The following KDM6B variants were observed in gnomAD, a reference collection of about 807,000 sequenced individuals.
KDM6B encodes the protein lysine demethylase 6B.
Under a neutral mutation model 150.4 loss-of-function variants are expected in KDM6B, and 22 were observed. The ratio of observed to expected loss-of-function variants is 0.15; its 90% CI spans 0.10 to 0.21. The LOEUF is 0.21. Among genes scored for constraint, KDM6B ranks in the 10% least tolerant of loss-of-function variants. KDM6B has a pLI of 1.00. For synonymous variants in KDM6B, 1,148 were observed against 921.1 expected (o/e 1.25, Z -4.46); for missense variants, 1,984 against 2,234.3 (o/e 0.89, Z 2.26).
At chr17:7,847,493 T>C (rs775679106) in intron 11 of KDM6B, 41 bp downstream of exon 11, 1 of 1,613,420 alleles carries the variant, frequency 6.2e-7, no homozygotes, top group Non-Finnish European at 8.5e-7. Context: ...TGGGTGGAGC[T>C]TGTCTTGAGG....
chr17:7,851,336 A>G lies in KDM6B; in HGVS notation c.3886A>G (p.Lys1296Glu), dbSNP rs769311121. The change falls in exon 16 of 24, where the codon AAG becomes GAG. Residue 1296 changes from lysine (K) to glutamate (E), a missense_variant. Physicochemically the swap from Lys to Glu is moderately conservative, Grantham distance 56. Transcript: ENST00000448097. ...CTACCCTCTGGCTGAACAGGAGGAG[A>G]AGGAGAGTGAGGATGAGGAGTCAGA... is the stretch of plus-strand genomic sequence containing the variant. The part of the protein sequence containing the change: ...SSFQESLQEE[K>E]ESEDEESEEP... 22 of 1,613,754 alleles carry G rather than the reference A, an allele frequency of 1.4e-5. No homozygotes were observed. Among genetic ancestry groups the G allele is most frequent in the East Asian group, 2.2e-5 (1 of 44,886 alleles).
In KDM6B at chr17:7,851,792, G is replaced by A. The variant is rs548242266; in HGVS notation, c.4161G>A (p.Thr1387=). The part of the protein sequence containing the change: ...QLYMKVPGSR[T]PGHQENNNFC... ...ACATGAAGGTGCCCGGCAGCCGAAC[G>A]CCAGGTGCGCTCCACGCCTGTGCGC... is the stretch of plus-strand genomic sequence containing the variant. The change falls in exon 18 of 24, where the codon ACG becomes ACA. Residue 1387 remains threonine (T), a synonymous_variant. Transcript: ENST00000448097. The A allele has an allele frequency of 8.4e-6, 13 of 1,555,074 alleles. No individual in the cohort carries two copies. Among genetic ancestry groups the A allele is most frequent in the South Asian group, 3.5e-5 (3 of 85,254 alleles).
Position 7,848,633 on chromosome 17 carries a change from C to T in KDM6B, c.2345C>T (p.Ala782Val). Residue 782 changes from alanine (A) to valine (V), a missense_variant, in exon 12 of 24, where the codon GCC (alanine) becomes GTC (valine). By Grantham distance (64) the Ala-to-Val change is moderately conservative. This residue lies in a region of KDM6B where 1,379 missense variants were observed against 1,275.6 expected (regional missense o/e 1.08). Coordinates refer to ENST00000448097, the MANE Select transcript of KDM6B (RefSeq NM_001348716.2). ...PPALPPPPPLAKFPPPSQPQP... is the reference protein window; with the variant it reads ...PPALPPPPPLVKFPPPSQPQP... ...GCCCTACCACCACCACCGCCTCTAGCCAAGTTCCCTCCACCCTCTCAGCCA... is the reference window on the plus strand; with the variant it reads ...GCCCTACCACCACCACCGCCTCTAGTCAAGTTCCCTCCACCCTCTCAGCCA... The T allele has an allele frequency of 6.2e-7, 1 of 1,600,016 alleles. No individual in the cohort carries two copies. Among genetic ancestry groups the T allele is most frequent in the East Asian group, 2.3e-5 (1 of 43,940 alleles).
At chr17:7,852,952 A>T in intron 21 of KDM6B, 48 bp from the exon 22 acceptor site, 1 of 1,612,654 alleles carries the variant, frequency 6.2e-7, no homozygotes, top group Admixed American at 1.7e-5. Flanking sequence ...GCCCTGCCTC[A>T]GGCCTCCTCC....
At position 7,845,366 on chromosome 17, in the gene KDM6B, T is replaced by C. The variant is rs533735215; in HGVS notation, c.-96T>C. 4.8e-5 allele frequency: 35 copies of C among 726,522 alleles called. No homozygotes were observed. The highest frequency in any genetic ancestry group is 1.7e-4 in the African/African-American group (10 of 57,384). The allele number at this position is 726,522 out of a possible 1,614,324, so 45.0% of individuals were successfully genotyped here. On this transcript the variant is annotated 5_prime_UTR_variant, in exon 4 of 24. Transcript: ENST00000448097. The stretch of plus-strand genomic sequence containing the variant: ...CATCTGGGGGTAGCGGGCACTCTTA[T>C]CAGAGCGGCTGGAGCCGGACCATCG...
intron 2 of KDM6B, among the ~76,000 whole-genome samples, chr17:7,841,560 G>A (rs980956828): frequency 2.6e-5 from 4 of 152,200 alleles, no homozygotes; most frequent in African/African-American, 7.2e-5. Context: ...AGACAGCCCC[G>A]CGGAGTCATG....
chr17:7,845,136 C>T (rs527869364), intron 3 of KDM6B, 116 bp downstream of exon 3: 56 of 300,214 alleles, frequency 1.9e-4, no homozygotes, highest in African/African-American at 1.2e-3. Context: ...CGTCCTGACT[C>T]CCAGCCACAC....
rs2078287215 is a variant in KDM6B, at chr17:7,834,355, C to G, written c.-388+5C>G. Among the ~76,000 whole-genome samples the G allele has an allele frequency of 6.6e-6, 1 of 151,938 alleles. No homozygotes were observed. Among genetic ancestry groups the G allele is most frequent in the Non-Finnish European group, 1.5e-5 (1 of 67,958 alleles). ...TGGGACCCCCCCCAGAACCAGGTAA[C>G]GGGGAGCCGCGAGGACGTCTGTAAA... is the stretch of plus-strand genomic sequence containing the variant. On this transcript the variant is annotated splice_donor_5th_base_variant and intron_variant, in intron 1 of 23. Coordinates refer to ENST00000448097, the MANE Select transcript of KDM6B (RefSeq NM_001348716.2).
At chr17:7,845,045 C>T (rs944902758) in intron 3 of KDM6B, 25 bp downstream of exon 3, 14 of 205,296 alleles carry the variant, frequency 6.8e-5, no homozygotes, top group African/African-American at 2.8e-4. Context: ...CGTTTTGGGT[C>T]GGCCCAGTGG....
rs1286317620 is a variant in KDM6B at position 7,846,391 on chromosome 17, C to A, written c.457-9C>A. 2 of 1,578,868 alleles carry A rather than the reference C, an allele frequency of 1.3e-6. No individual in the cohort carries two copies. Among genetic ancestry groups the A allele is most frequent in the South Asian group, 1.1e-5 (1 of 87,264 alleles). On this transcript the variant is annotated splice_polypyrimidine_tract_variant and intron_variant, in intron 7 of 23. Coordinates refer to ENST00000448097, the MANE Select transcript of KDM6B (RefSeq NM_001348716.2). Reference sequence around the variant, plus strand: ...CATCTGCCCCTGCCCCGTGTCCCCCCACCCCCAGGCCCAGCTCTGGAACTT... The same window carrying A: ...CATCTGCCCCTGCCCCGTGTCCCCCAACCCCCAGGCCCAGCTCTGGAACTT...
chr17:7,835,753 C>A (rs1019049311), intron 1 of KDM6B, among the ~76,000 whole-genome samples: 2 of 152,034 alleles, frequency 1.3e-5, no homozygotes, highest in African/African-American at 2.4e-5. Context: ...GCCCACCCCC[C>A]GCCCTGCGCC....
At chr17:7,839,259 A>G (rs2078379412) in intron 1 of KDM6B, among the ~76,000 whole-genome samples, 3 of 152,098 alleles carry the variant, frequency 2.0e-5, no homozygotes, top group Non-Finnish European at 4.4e-5. Context: ...GCCACATAAG[A>G]GGAAGGAGGT....
At chr17:7,846,371 G>GGCGGGGGGGCGGGGGCCCCCCCC in intron 7 of KDM6B, 29 bp from the exon 8 acceptor site, 1 of 1,488,926 alleles carries the variant, frequency 6.7e-7, no homozygotes, top group Non-Finnish European at 9.2e-7. Flanking sequence ...CCTGACATCT[G>GGCGGGGGGGCGGGGGCCCCCCCC]CCCCTGCCCC....
In KDM6B at chr17:7,851,219, C is replaced by G; in HGVS notation, c.3872C>G (p.Ser1291Cys). Residue 1291 changes from serine to cysteine, a missense_variant, in exon 15 of 24, where the codon TCT becomes TGT. Ser to Cys is a moderately radical substitution (Grantham distance 112). Coordinates refer to ENST00000448097, the MANE Select transcript of KDM6B (RefSeq NM_001348716.2). ...TACCAGGCCTCATCCTTCCAGGAGT[C>G]TCTGCAGGTGAGATGAGAACGTGGC... The part of the protein sequence containing the change: ...AQYQASSFQE[S>C]LQEEKESEDE... The G allele has an allele frequency of 6.2e-7, 1 of 1,614,066 alleles. No individual in the cohort carries two copies. Among genetic ancestry groups the G allele is most frequent in the Non-Finnish European group, 8.5e-7 (1 of 1,180,028 alleles).
intron 21 of KDM6B, 100 bp from the exon 22 acceptor site, chr17:7,852,900 G>C (rs1024943696): frequency 6.5e-7 from 1 of 1,532,702 alleles, no homozygotes; most frequent in African/African-American, 1.4e-5. Context: ...GAGGCCCCTA[G>C]GGGAGGGCCC....
At position 7,846,401 on chromosome 17, in the gene KDM6B, C is replaced by T. The variant is rs765219605; in HGVS notation, c.458C>T (p.Ala153Val). 1.0e-5 allele frequency: 16 copies of T among 1,597,438 alleles called. No individual in the cohort carries two copies. The highest frequency in any genetic ancestry group is 1.3e-5 in the Non-Finnish European group (15 of 1,172,096). The change falls in exon 8 of 24, where the codon GCC becomes GTC. Residue 153 changes from alanine (A) to valine (V), a missense_variant and splice_region_variant. Physicochemically the swap from Ala to Val is moderately conservative, Grantham distance 64. Around this residue, in one of 13 missense-constraint regions of KDM6B, gnomAD observed 337 missense variants for 323.9 expected, o/e 1.04. Coordinates refer to ENST00000448097, the MANE Select transcript of KDM6B (RefSeq NM_001348716.2). ...TGCCCCGTGTCCCCCCACCCCCAGGCCCAGCTCTGGAACTTTCATACTGGC... is the reference window on the plus strand; with the variant it reads ...TGCCCCGTGTCCCCCCACCCCCAGGTCCAGCTCTGGAACTTTCATACTGGC... ...LGPRIGRLQQ[A>V]QLWNFHTGSC...
At position 7,853,622 on chromosome 17, in the gene KDM6B, G is replaced by A; in HGVS notation, c.*101G>A. On this transcript the variant is annotated 3_prime_UTR_variant, in exon 24 of 24. Transcript: ENST00000448097. Reference sequence around the variant, plus strand: ...GGTCCCGCCTGTGGCCGAGAAGGGGGTCGGGCCCAGCCCTTCCACCCCATT... The same window carrying A: ...GGTCCCGCCTGTGGCCGAGAAGGGGATCGGGCCCAGCCCTTCCACCCCATT... The A allele has an allele frequency of 3.4e-6, 3 of 883,310 alleles. No individual in the cohort carries two copies. Among genetic ancestry groups the A allele is most frequent in the South Asian group, 5.1e-5 (2 of 39,354 alleles). The allele number at this position is 883,310 out of a possible 1,614,324, so 54.7% of individuals were successfully genotyped here. A position where few individuals can be genotyped will look rare whatever the true frequency, so the allele number is the denominator to read the frequency against.
rs1482560350 is a variant in KDM6B at position 7,849,380 on chromosome 17, G to C, written c.3092G>C (p.Arg1031Pro). Reference sequence around the variant, plus strand: ...CTGCAGAGCGAGGAGATCCAGGGTCGTGAGAAGTCCCGGCCCGATCTTGGC... The same window carrying C: ...CTGCAGAGCGAGGAGATCCAGGGTCCTGAGAAGTCCCGGCCCGATCTTGGC... ...LDLQSEEIQG[R>P]EKSRPDLGGA... Residue 1031 changes from arginine to proline, a missense_variant, in exon 12 of 24, where the codon CGT (arginine) becomes CCT (proline). This residue lies in a region of KDM6B where 1,379 missense variants were observed against 1,275.6 expected (regional missense o/e 1.08). Transcript: ENST00000448097. 1.2e-6 allele frequency: 2 copies of C among 1,608,916 alleles called. No homozygotes were observed. The highest frequency in any genetic ancestry group is 1.7e-6 in the Non-Finnish European group (2 of 1,178,434).
rs1250217181 is a variant in KDM6B, at chr17:7,849,144, G to A, written c.2856G>A (p.Leu952=). The A allele has an allele frequency of 1.2e-6, 2 of 1,611,830 alleles. No individual in the cohort carries two copies. The highest frequency in any genetic ancestry group is 2.2e-5 in the East Asian group (1 of 44,882). Residue 952 remains leucine, a synonymous_variant, in exon 12 of 24, where the codon CTG becomes CTA. Coordinates refer to ENST00000448097, the MANE Select transcript of KDM6B (RefSeq NM_001348716.2). ...AEPADSGTER[L]LPPAQAKEEA... ...CAGCGGACAGTGGGACTGAGCGACT[G>A]CTGCCCCCCGCACAGGCCAAGGAGG...
Sources: allele counts gnomAD v4.1 joint callset (sites outside exome capture counted in the v4.1 genomes callset), GRCh38; gene constraint gnomAD v4.1.1; regional missense constraint gnomAD v4.1.1; transcripts MANE v1.5; gene names NCBI Gene and HGNC (gene_info 2026-07-23, HGNC 2026-07-21).